IL1RAPL1: variants seen among roughly 807,000 people sequenced by gnomAD.
IL1RAPL1 encodes the protein interleukin-1 receptor accessory protein-like 1.
A neutral mutation model predicts 48.4 loss-of-function variants in IL1RAPL1; 3 were observed. That is an observed-to-expected ratio of 0.06 (90% CI 0.03 to 0.16). The LOEUF (loss-of-function observed/expected upper bound fraction) is 0.16, where lower values mean the gene tolerates loss of function less well. Among genes scored for constraint, IL1RAPL1 ranks in the 10% least tolerant of loss-of-function variants. The pLI, the probability that IL1RAPL1 is intolerant of heterozygous loss-of-function variation, is 1.00. For missense variants in IL1RAPL1, 349 were observed against 530.6 expected, an observed-to-expected ratio of 0.66 and a Z score of 3.36; for synonymous variants, 185 against 187.7, an observed-to-expected ratio of 0.99 and a Z score of 0.12.
intron 3 of IL1RAPL1, among the ~76,000 whole-genome samples, chrX:29,344,161 C>T (rs1313861839): frequency 8.9e-6 from 1 of 112,355 alleles, no homozygotes; most frequent in African/African-American, 3.2e-5. Flanking sequence ...CAGAAAATTT[C>T]ACCGATGTGA....
At chrX:29,181,630 C>A (rs1930145960) in intron 2 of IL1RAPL1, among the ~76,000 whole-genome samples, 1 of 111,709 alleles carries the variant, frequency 9.0e-6, no homozygotes, top group Admixed American at 9.6e-5. Flanking sequence ...TTTAGAGATA[C>A]AGCAGTGAAC....
chrX:29,527,191 T>A (rs1191803015), intron 5 of IL1RAPL1, among the ~76,000 whole-genome samples: 1 of 110,490 alleles, frequency 9.1e-6, no homozygotes, highest in East Asian at 2.8e-4. Flanking sequence ...AAGAGGAAAT[T>A]AGATGTCTTC....
At chrX:28,873,828 G>T (rs1031662506) in intron 2 of IL1RAPL1, among the ~76,000 whole-genome samples, 1 of 110,045 alleles carries the variant, frequency 9.1e-6, no homozygotes, top group African/African-American at 3.3e-5. Flanking sequence ...ACCGCACCTG[G>T]CCTATTGTTT....
chrX:29,907,841 ATTTG>A (rs1325224897), intron 6 of IL1RAPL1, among the ~76,000 whole-genome samples: 158 of 82,392 alleles, frequency 1.9e-3, no homozygotes, highest in African/African-American at 0.011. Context: ...TTGGGAATGG[ATTTG>A]TTTAATTGTT....
chrX:29,925,430 T>G (rs1932880482), intron 8 of IL1RAPL1, among the ~76,000 whole-genome samples: 1 of 23,687 alleles, frequency 4.2e-5, no homozygotes, highest in Non-Finnish European at 8.9e-5. Flanking sequence ...TTTTTTTTTT[T>G]TTTTTTTTTT....
intron 6 of IL1RAPL1, among the ~76,000 whole-genome samples, chrX:29,814,691 T>C (rs1267334406): frequency 8.9e-6 from 1 of 112,177 alleles, no homozygotes; most frequent in Non-Finnish European, 1.9e-5. Flanking sequence ...TAGGTTTTCT[T>C]CTGGGACTCT....
chrX:29,610,546 G>C (rs1924055660), intron 5 of IL1RAPL1, among the ~76,000 whole-genome samples: 1 of 112,365 alleles, frequency 8.9e-6, no homozygotes, highest in Non-Finnish European at 1.9e-5. Context: ...CCTGGGTAAT[G>C]TGTGAATAAC....
At chrX:28,642,491 A>G (rs772959304) in intron 1 of IL1RAPL1, among the ~76,000 whole-genome samples, 2 of 112,298 alleles carry the variant, frequency 1.8e-5, no homozygotes, top group Admixed American at 9.5e-5. Flanking sequence ...ATTAGAACTC[A>G]GGATTAAGAA....
At chrX:29,414,329 T>C (rs1934187050) in intron 5 of IL1RAPL1, among the ~76,000 whole-genome samples, 1 of 112,209 alleles carries the variant, frequency 8.9e-6, no homozygotes. Flanking sequence ...ACACTTAAAA[T>C]TAGTTAAAAT....
At chrX:29,259,622 A>C (rs1460828346) in intron 2 of IL1RAPL1, among the ~76,000 whole-genome samples, 1 of 111,209 alleles carries the variant, frequency 9.0e-6, no homozygotes, top group Non-Finnish European at 1.9e-5. Flanking sequence ...ATGCTGGATA[A>C]ATGTAATTAG....
intron 2 of IL1RAPL1, among the ~76,000 whole-genome samples, chrX:29,224,067 C>T (rs1376384786): frequency 9.0e-6 from 1 of 111,348 alleles, no homozygotes; most frequent in Non-Finnish European, 1.9e-5. Flanking sequence ...AAAATGTTTA[C>T]ACCATTAGAA....
intron 2 of IL1RAPL1, among the ~76,000 whole-genome samples, chrX:29,222,485 A>T (rs1369549904): frequency 2.7e-5 from 3 of 112,018 alleles, no homozygotes; most frequent in Non-Finnish European, 5.6e-5. Flanking sequence ...TGTTCAATGA[A>T]TTATTGGAAC....
chrX:28,947,850 C>T (rs1924349128), intron 2 of IL1RAPL1, among the ~76,000 whole-genome samples: 1 of 111,397 alleles, frequency 9.0e-6, no homozygotes, highest in Non-Finnish European at 1.9e-5. Context: ...TTTTGGTGCT[C>T]ACTGAAAGCT....
intron 2 of IL1RAPL1, among the ~76,000 whole-genome samples, chrX:29,213,081 C>G (rs886803422): frequency 8.9e-6 from 1 of 111,905 alleles, no homozygotes; most frequent in East Asian, 2.8e-4. Flanking sequence ...TCACCGCAAC[C>G]TCTGCCTCCC....
At chrX:28,857,615 C>G (rs1156542338) in intron 2 of IL1RAPL1, among the ~76,000 whole-genome samples, 2 of 111,357 alleles carry the variant, frequency 1.8e-5, no homozygotes, top group Non-Finnish European at 3.8e-5. Flanking sequence ...GATGACAGCA[C>G]ATGTGTTTAT....
chrX:29,721,589 C>T, intron 6 of IL1RAPL1, among the ~76,000 whole-genome samples: 1 of 111,917 alleles, frequency 8.9e-6, no homozygotes, highest in Non-Finnish European at 1.9e-5. Flanking sequence ...GACACCTCCC[C>T]TCCTGAACTC....
At chrX:29,178,475 T>G (rs1930074501) in intron 2 of IL1RAPL1, among the ~76,000 whole-genome samples, 2 of 112,163 alleles carry the variant, frequency 1.8e-5, no homozygotes, top group African/African-American at 6.5e-5. Context: ...GTTCAAGTTC[T>G]TTATAGATTC....
chrX:29,754,873 C>T (rs1928574278), intron 6 of IL1RAPL1, among the ~76,000 whole-genome samples: 1 of 112,714 alleles, frequency 8.9e-6, no homozygotes, highest in South Asian at 3.6e-4. Flanking sequence ...TATTATTTCA[C>T]AATTTCTGTA....
At chrX:29,393,378 C>T (rs982338528) in intron 3 of IL1RAPL1, among the ~76,000 whole-genome samples, 22 of 112,030 alleles carry the variant, frequency 2.0e-4, no homozygotes, top group Non-Finnish European at 3.8e-4. Flanking sequence ...GCCTCGGCCT[C>T]CCAAAGTGCT....
Sources: gnomAD v4.1 joint callset for allele counts (sites outside exome capture counted in the v4.1 genomes callset) on GRCh38, gnomAD v4.1.1 for gene constraint, MANE v1.5 for transcripts, NCBI Gene and HGNC (gene_info 2026-07-23, HGNC 2026-07-21) for gene names.